The following LAMP3 variants were observed in gnomAD, a reference collection of about 807,000 sequenced individuals.
LAMP3 encodes lysosome associated membrane protein 3, also known as lysosome-associated membrane glycoprotein 3.
LAMP3 carries 26 observed loss-of-function variants against 34.8 expected under a neutral mutation model. The observed-to-expected ratio is 0.75, with a 90% CI of 0.55 to 1.04. LAMP3 has a LOEUF of 1.04. Ranked by LOEUF, LAMP3 falls within the 50% of genes least tolerant of loss-of-function variation. The pLI, the probability that LAMP3 is intolerant of heterozygous loss-of-function variation, is 0.00. For synonymous variants in LAMP3, 180 were observed against 201.9 expected (o/e 0.89, Z 0.92); for missense variants, 495 against 524.0 (o/e 0.94, Z 0.54).
At chr3:183,152,813 G>A (rs1406522837) in intron 2 of LAMP3, among the ~76,000 whole-genome samples, 2 of 152,130 alleles carry the variant, frequency 1.3e-5, no homozygotes, top group Non-Finnish European at 2.9e-5. Context: ...TGCTCTGTAA[G>A]GTACCTCTGT....
Position 183,135,788 on chromosome 3 carries a change from G to T in LAMP3, c.1046C>A (p.Ala349Asp), listed in dbSNP as rs116638515. Residue 349 changes from alanine (A) to aspartate (D), a missense_variant, in exon 5 of 6, where the codon GCC (alanine) becomes GAC (aspartate). By Grantham distance (126) the Ala-to-Asp change is moderately radical. Transcript: ENST00000265598. ...CVSEQSLQLSAHLQVKTTDVQ... is the reference protein window; with the variant it reads ...CVSEQSLQLSDHLQVKTTDVQ... The stretch of plus-strand genomic sequence containing the variant: ...ATCGGTTGTTTTCACCTGCAGGTGG[G>T]CTGACAACTGGAGGCTCTGTTCACT... The T allele has an allele frequency of 1.2e-6, 2 of 1,613,940 alleles. No homozygotes were observed. Among genetic ancestry groups the T allele is most frequent in the Non-Finnish European group, 1.7e-6 (2 of 1,179,928 alleles).
In LAMP3 at chr3:183,140,574, T is replaced by A; in HGVS notation, c.910A>T (p.Ser304Cys). ...FTKDEESYYISEVGAYLTVSD... is the reference protein window; with the variant it reads ...FTKDEESYYICEVGAYLTVSD... ...ACGGTCAAATAGGCTCCCACTTCAC[T>A]GATATAATATGATTCTTCATCCTGT... Residue 304 changes from serine (S) to cysteine (C), a missense_variant, in exon 4 of 6, where the codon AGT becomes TGT. Transcript: ENST00000265598. 1 of 1,602,262 alleles carries A rather than the reference T, an allele frequency of 6.2e-7. No individual in the cohort carries two copies. Among genetic ancestry groups the A allele is most frequent in the Non-Finnish European group, 8.6e-7 (1 of 1,169,268 alleles).
intron 5 of LAMP3, chr3:183,132,476 C>A (rs1049133292): frequency 1.0e-6 from 1 of 983,754 alleles, no homozygotes; most frequent in Non-Finnish European, 1.2e-6. Flanking sequence ...TAAACGTCTT[C>A]CCCACAATTC....
At chr3:183,154,658 T>C (rs580116) in intron 1 of LAMP3, among the ~76,000 whole-genome samples, 119,289 of 152,026 alleles carry the variant, frequency 0.78, 47,107 homozygotes, top group Non-Finnish European at 0.83. Flanking sequence ...GTGTGAGGTG[T>C]GGTACTAATA....
chr3:183,159,388 A>G (rs1465278316), intron 1 of LAMP3, among the ~76,000 whole-genome samples: 4 of 152,172 alleles, frequency 2.6e-5, no homozygotes, highest in Non-Finnish European at 5.9e-5. Flanking sequence ...ACGGGAACAC[A>G]GGGACGGTAT....
At chr3:183,143,767 C>T (rs1168852316) in intron 3 of LAMP3, among the ~76,000 whole-genome samples, 1 of 152,160 alleles carries the variant, frequency 6.6e-6, no homozygotes, top group African/African-American at 2.4e-5. Flanking sequence ...GACAATTGTA[C>T]CACTTTATTC....
chr3:183,162,292 C>T (rs1253675608), intron 1 of LAMP3, among the ~76,000 whole-genome samples: 2 of 152,128 alleles, frequency 1.3e-5, no homozygotes, highest in East Asian at 1.9e-4. Context: ...GCGCTTTTCC[C>T]GGATAACAAA....
At chr3:183,148,734 A>G (rs1299484997) in intron 3 of LAMP3, among the ~76,000 whole-genome samples, 1 of 152,228 alleles carries the variant, frequency 6.6e-6, no homozygotes, top group Non-Finnish European at 1.5e-5. Flanking sequence ...GAACCCTCAT[A>G]CACTGCTGGT....
At position 183,124,012 on chromosome 3, in the gene LAMP3, C is replaced by G. The variant is rs2108593083; in HGVS notation, c.*69G>C. On this transcript the variant is annotated 3_prime_UTR_variant, in exon 6 of 6. Transcript: ENST00000265598. Reference sequence around the variant, plus strand: ...GGACCCACACTCTGAGGGAATTTCCCAACATCCATCCTGGAAGGGATGAAA... The same window carrying G: ...GGACCCACACTCTGAGGGAATTTCCGAACATCCATCCTGGAAGGGATGAAA... The G allele has an allele frequency of 1.9e-6, 3 of 1,572,456 alleles. No individual in the cohort carries two copies. In the African/African-American group the frequency reaches 4.1e-5, roughly 21 times the overall value.
In LAMP3 at chr3:183,147,682, TCAGGGTCC is replaced by T. The variant is rs534916296; in HGVS notation, c.888+4685_888+4692del. 4.0e-3 allele frequency among the ~76,000 whole-genome samples: 616 copies of T among 152,228 alleles called. 5 individuals are homozygous for T. Among genetic ancestry groups the T allele is most frequent in the African/African-American group, 0.014 (593 of 41,534 alleles). ...TGCCTAGCACCTGTAATTCTTGAAT[TCAGGGTCC>T]CTGTTTTGGCTTAAACAAGCTCTTA... On this transcript the variant is annotated intron_variant, in intron 3 of 5. Transcript: ENST00000265598.
intron 1 of LAMP3, among the ~76,000 whole-genome samples, chr3:183,160,430 A>G (rs1470530456): frequency 1.3e-5 from 2 of 152,178 alleles, no homozygotes; most frequent in African/African-American, 4.8e-5. Context: ...ACAGTCCACT[A>G]TGTTGTCCAG....
chr3:183,132,215 T>C (rs1369492584), intron 5 of LAMP3: 19 of 984,882 alleles, frequency 1.9e-5, no homozygotes, highest in Non-Finnish European at 2.3e-5. Context: ...TGCTTTAAAT[T>C]AAAAAAGTGA....
At chr3:183,142,212 G>A (rs1455609227) in intron 3 of LAMP3, among the ~76,000 whole-genome samples, 7 of 152,036 alleles carry the variant, frequency 4.6e-5, no homozygotes, top group South Asian at 2.1e-4. Flanking sequence ...TCCACAGTCC[G>A]GGTTACAAGG....
intron 3 of LAMP3, among the ~76,000 whole-genome samples, chr3:183,146,430 A>C (rs1473810599): frequency 2.0e-5 from 3 of 152,116 alleles, no homozygotes. Context: ...CACTTCATAC[A>C]ATACACCCAT....
Position 183,153,935 on chromosome 3 carries a change from G to A in LAMP3, c.506C>T (p.Pro169Leu). 6.2e-7 allele frequency: 1 copy of A among 1,614,192 alleles called. No individual in the cohort carries two copies. The highest frequency in any genetic ancestry group is 1.3e-5 in the African/African-American group (1 of 75,046). ...GTGCAGTGCTATCGATAAAGTTGCTGGAAGGGTGGTCTGGTTACTGGGTTG... is the reference window on the plus strand; with the variant it reads ...GTGCAGTGCTATCGATAAAGTTGCTAGAAGGGTGGTCTGGTTACTGGGTTG... ...TTQPSNQTTL[P>L]ATLSIALHKS... Residue 169 changes from proline to leucine, a missense_variant, in exon 2 of 6, where the codon CCA (proline) becomes CTA (leucine). Pro to Leu is a moderately conservative substitution (Grantham distance 98). Coordinates refer to ENST00000265598, the MANE Select transcript of LAMP3 (RefSeq NM_014398.4).
At chr3:183,134,579 G>C (rs1423036596) in intron 5 of LAMP3, among the ~76,000 whole-genome samples, 1 of 152,118 alleles carries the variant, frequency 6.6e-6, no homozygotes, top group African/African-American at 2.4e-5. Context: ...GCATTTTTGA[G>C]AGTGGATGAC....
upstream of LAMP3, among the ~76,000 whole-genome samples, chr3:183,163,280 C>A (rs537863172): frequency 8.0e-6 from 1 of 124,792 alleles, no homozygotes; most frequent in East Asian, 2.6e-4. Flanking sequence ...TATTTCTTTT[C>A]TTTTTATTTC....
intron 3 of LAMP3, among the ~76,000 whole-genome samples, chr3:183,151,471 A>C (rs1720631314): frequency 7.6e-6 from 1 of 130,882 alleles, no homozygotes; most frequent in African/African-American, 3.0e-5. Context: ...CCTGTTGCCC[A>C]GGCTGGAGTG....
chr3:183,142,233 A>T (rs1720305320), intron 3 of LAMP3, among the ~76,000 whole-genome samples: 1 of 152,206 alleles, frequency 6.6e-6, no homozygotes, highest in Admixed American at 6.5e-5. Flanking sequence ...CCCCCGCCCC[A>T]TCCCTAAGGG....
Sources: gnomAD v4.1 joint callset for allele counts (sites outside exome capture counted in the v4.1 genomes callset) on GRCh38, gnomAD v4.1.1 for gene constraint, MANE v1.5 for transcripts, NCBI Gene and HGNC (gene_info 2026-07-23, HGNC 2026-07-21) for gene names.